Variants in PTPRD observed in about 807,000 individuals in gnomAD.
PTPRD encodes the protein receptor-type tyrosine-protein phosphatase delta.
In PTPRD, 34 loss-of-function variants were observed where a neutral mutation model predicts 214.5. That is an observed-to-expected ratio of 0.16 (90% CI 0.12 to 0.21). PTPRD has a LOEUF of 0.21. Ranked by LOEUF, PTPRD falls within the 10% of genes least tolerant of loss-of-function variation. PTPRD has a pLI of 1.00. For missense variants in PTPRD, 2,545 were observed against 2,398.7 expected (o/e 1.06, Z -1.27); for synonymous variants, 1,128 against 845.7 (o/e 1.33, Z -5.79).
At chr9:9,982,289 C>T (rs1267982800) in intron 4 of PTPRD, among the ~76,000 whole-genome samples, 2 of 152,130 alleles carry the variant, frequency 1.3e-5, no homozygotes, top group African/African-American at 2.4e-5. Flanking sequence ...AAACAACACC[C>T]ATATTTTCCA....
intron 11 of PTPRD, among the ~76,000 whole-genome samples, chr9:8,891,987 G>A (rs1397332985): frequency 6.6e-6 from 1 of 152,062 alleles, no homozygotes; most frequent in Non-Finnish European, 1.5e-5. Flanking sequence ...CCTTATGAAT[G>A]CTTGTTTTCT....
chr9:10,261,215 C>G (rs993449542), intron 3 of PTPRD, among the ~76,000 whole-genome samples: 2 of 151,276 alleles, frequency 1.3e-5, no homozygotes, highest in Admixed American at 1.3e-4. Context: ...AAAACAAAAA[C>G]CTAGAGGATC....
intron 3 of PTPRD, among the ~76,000 whole-genome samples, chr9:10,096,199 C>G (rs1339284157): frequency 6.6e-6 from 1 of 151,636 alleles, no homozygotes; most frequent in Non-Finnish European, 1.5e-5. Context: ...GGGCACTGGT[C>G]TGACATATAG....
At chr9:8,938,552 C>A (rs147969002) in intron 11 of PTPRD, among the ~76,000 whole-genome samples, 1 of 152,172 alleles carries the variant, frequency 6.6e-6, no homozygotes, top group Admixed American at 6.6e-5. Flanking sequence ...TTTAGTATAG[C>A]ACATAGAGTA....
chr9:9,841,128 G>A (rs767529989), intron 5 of PTPRD, among the ~76,000 whole-genome samples: 3 of 152,072 alleles, frequency 2.0e-5, no homozygotes, highest in Non-Finnish European at 2.9e-5. Context: ...TATTTTAAAG[G>A]TTGCCTAAAA....
At chr9:8,473,888 T>C (rs1051955235) in intron 30 of PTPRD, among the ~76,000 whole-genome samples, 5 of 152,198 alleles carry the variant, frequency 3.3e-5, no homozygotes, top group African/African-American at 2.4e-5. Context: ...CTCTTGCACA[T>C]TGAAAGAAAT....
chr9:9,523,537 G>C (rs2097044401), intron 8 of PTPRD, among the ~76,000 whole-genome samples: 1 of 152,004 alleles, frequency 6.6e-6, no homozygotes, highest in African/African-American at 2.4e-5. Flanking sequence ...CTATCTCTTT[G>C]CTTATCTATA....
chr9:8,797,504 T>C (rs2096463939), intron 11 of PTPRD, among the ~76,000 whole-genome samples: 1 of 152,212 alleles, frequency 6.6e-6, no homozygotes, highest in South Asian at 2.1e-4. Context: ...AAGTTCTTTC[T>C]GCACCATCAC....
chr9:9,245,100 C>T (rs1277019301), intron 9 of PTPRD, among the ~76,000 whole-genome samples: 1 of 152,130 alleles, frequency 6.6e-6, no homozygotes, highest in African/African-American at 2.4e-5. Context: ...TCGTCTCATA[C>T]CAGTTAGAAT....
At chr9:9,435,803 T>C (rs2085012015) in intron 8 of PTPRD, among the ~76,000 whole-genome samples, 1 of 152,216 alleles carries the variant, frequency 6.6e-6, no homozygotes. Flanking sequence ...ACCTGTGGGA[T>C]ATAATAAACT....
At chr9:9,638,458 C>T (rs115066370) in intron 7 of PTPRD, among the ~76,000 whole-genome samples, 2,716 of 152,240 alleles carry the variant, frequency 0.018, 82 homozygotes, top group African/African-American at 0.062. Context: ...CCTTGTTCCT[C>T]GTTTCTGTGT....
chr9:9,419,453 AATAT>A (rs1464109072), intron 8 of PTPRD, among the ~76,000 whole-genome samples: 1 of 151,804 alleles, frequency 6.6e-6, no homozygotes, highest in African/African-American at 2.4e-5. Context: ...AAGTGAAAGT[AATAT>A]TATCTCTTTC....
chr9:9,948,856 A>C (rs913595794), intron 4 of PTPRD, among the ~76,000 whole-genome samples: 1 of 152,134 alleles, frequency 6.6e-6, no homozygotes, highest in Non-Finnish European at 1.5e-5. Context: ...ATGACAATAA[A>C]AAGATAATTG....
intron 6 of PTPRD, among the ~76,000 whole-genome samples, chr9:9,750,482 T>C (rs528951206): frequency 9.2e-5 from 14 of 152,252 alleles, no homozygotes; most frequent in African/African-American, 3.4e-4. Context: ...TCCCTTTGTT[T>C]AACCCAGTTC....
chr9:9,637,899 C>G (rs1308886859), intron 7 of PTPRD, among the ~76,000 whole-genome samples: 1 of 152,148 alleles, frequency 6.6e-6, no homozygotes, highest in African/African-American at 2.4e-5. Flanking sequence ...GGAAGCCATG[C>G]CTTCACAGAT....
At chr9:8,964,419 C>A (rs562317055) in intron 11 of PTPRD, among the ~76,000 whole-genome samples, 1 of 151,394 alleles carries the variant, frequency 6.6e-6, no homozygotes, top group African/African-American at 2.4e-5. Context: ...GTTGTTGTTT[C>A]TGATTGTGCT....
At chr9:9,629,563 A>T (rs1216048140) in intron 7 of PTPRD, among the ~76,000 whole-genome samples, 1 of 152,124 alleles carries the variant, frequency 6.6e-6, no homozygotes, top group Non-Finnish European at 1.5e-5. Flanking sequence ...TTCACTTTAA[A>T]ATTCCAAGAC....
At chr9:9,764,641 C>G (rs150544831) in intron 6 of PTPRD, among the ~76,000 whole-genome samples, 1,604 of 152,164 alleles carry the variant, frequency 0.011, 36 homozygotes, top group African/African-American at 0.036. Flanking sequence ...TATTACATAA[C>G]AGATATAAGA....
At chr9:9,867,473 C>T (rs1326358636) in intron 5 of PTPRD, among the ~76,000 whole-genome samples, 2 of 151,940 alleles carry the variant, frequency 1.3e-5, no homozygotes, top group Non-Finnish European at 2.9e-5. Context: ...ACATAATAAA[C>T]ATATTTTCCT....
Sources: allele counts gnomAD v4.1 joint callset (sites outside exome capture counted in the v4.1 genomes callset), GRCh38; gene constraint gnomAD v4.1.1; transcripts MANE v1.5; gene names NCBI Gene and HGNC (gene_info 2026-07-23, HGNC 2026-07-21).